The following TAB2 variants were observed in gnomAD, a reference collection of about 807,000 sequenced individuals.
The protein encoded by TAB2 is TGF-beta activated kinase 1 (MAP3K7) binding protein 2.
Under a neutral mutation model 65.0 loss-of-function variants are expected in TAB2, and 3 were observed. The ratio of observed to expected loss-of-function variants is 0.05; its 90% CI spans 0.02 to 0.12. The LOEUF is 0.12. Ranked by LOEUF, TAB2 falls within the 10% of genes least tolerant of loss-of-function variation. The pLI is 1.00. For missense variants in TAB2, 623 were observed against 840.3 expected (o/e 0.74, Z 3.20); for synonymous variants, 298 against 285.1 (o/e 1.05, Z -0.46).
At chr6:149,248,568 C>T (rs2114651438) in intron 1 of TAB2, among the ~76,000 whole-genome samples, 1 of 151,600 alleles carries the variant, frequency 6.6e-6, no homozygotes, top group South Asian at 2.1e-4. Context: ...TCTGAGTCTC[C>T]CCACTGGCCA....
chr6:149,241,736 A>G (rs912338180), intron 1 of TAB2, among the ~76,000 whole-genome samples: 1 of 152,232 alleles, frequency 6.6e-6, no homozygotes, highest in African/African-American at 2.4e-5. Context: ...TGAAATTGTG[A>G]TTTTTATTAT....
chr6:149,302,505 T>A (rs1252234911), intron 1 of TAB2, among the ~76,000 whole-genome samples: 1 of 152,206 alleles, frequency 6.6e-6, no homozygotes, highest in African/African-American at 2.4e-5. Flanking sequence ...CTGCTGCTGT[T>A]CTCCGAAAAT....
intron 3 of TAB2, 93 bp downstream of exon 3, chr6:149,379,611 T>G: frequency 8.2e-7 from 1 of 1,224,650 alleles, no homozygotes. Flanking sequence ...AGCATTGTTA[T>G]TTCATTGTTT....
At chr6:149,247,605 G>A (rs1463128092) in intron 1 of TAB2, 3 of 152,210 alleles carry the variant, frequency 2.0e-5, no homozygotes, top group Non-Finnish European at 4.4e-5. Context: ...TATCTTGATT[G>A]TATCCTTTTT....
At chr6:149,406,498 T>C (rs758718845) in intron 6 of TAB2, among the ~76,000 whole-genome samples, 1 of 152,174 alleles carries the variant, frequency 6.6e-6, no homozygotes, top group Non-Finnish European at 1.5e-5. Flanking sequence ...CATGTTAAAC[T>C]GGGTTTTAGA....
At chr6:149,368,552 G>A (rs1016271078) in intron 1 of TAB2, among the ~76,000 whole-genome samples, 4 of 151,692 alleles carry the variant, frequency 2.6e-5, no homozygotes, top group East Asian at 1.9e-4. Flanking sequence ...CATGATTGTC[G>A]CCACTTAAAT....
At chr6:149,227,536 G>A (rs1583032628) in intron 1 of TAB2, among the ~76,000 whole-genome samples, 1 of 152,256 alleles carries the variant, frequency 6.6e-6, no homozygotes. Context: ...GGAGGGAGCA[G>A]AGGCACTTCA....
intron 1 of TAB2, among the ~76,000 whole-genome samples, chr6:149,339,699 A>G (rs1392083289): frequency 6.6e-6 from 1 of 151,336 alleles, no homozygotes; most frequent in Non-Finnish European, 1.5e-5. Context: ...CCCAGGTTCA[A>G]GCGATTCTCC....
At chr6:149,353,536 G>GA (rs1780558752) in intron 1 of TAB2, among the ~76,000 whole-genome samples, 1 of 152,086 alleles carries the variant, frequency 6.6e-6, no homozygotes, top group Admixed American at 6.6e-5. Flanking sequence ...TAGGCATTAG[G>GA]AAAAAATCAA....
At chr6:149,323,336 T>C (rs913331100) in intron 1 of TAB2, among the ~76,000 whole-genome samples, 4 of 152,164 alleles carry the variant, frequency 2.6e-5, no homozygotes, top group African/African-American at 9.6e-5. Context: ...TATGATGTTA[T>C]TGGCATCAAA....
At chr6:149,407,167 G>C (rs996322171) in intron 6 of TAB2, among the ~76,000 whole-genome samples, 2 of 152,236 alleles carry the variant, frequency 1.3e-5, no homozygotes, top group Admixed American at 1.3e-4. Flanking sequence ...TCAGAGACTA[G>C]ATGCTATTTG....
chr6:149,363,439 A>G (rs1255582474), intron 1 of TAB2, among the ~76,000 whole-genome samples: 1 of 152,198 alleles, frequency 6.6e-6, no homozygotes, highest in Non-Finnish European at 1.5e-5. Context: ...AGTTTCCCTA[A>G]TGAGCTTCAT....
intron 1 of TAB2, among the ~76,000 whole-genome samples, chr6:149,235,352 G>A (rs1273721398): frequency 6.6e-6 from 1 of 152,216 alleles, no homozygotes; most frequent in African/African-American, 2.4e-5. Context: ...AAAGGAAATG[G>A]GGATATTCTG....
At chr6:149,298,218 T>G (rs368398126) in intron 1 of TAB2, among the ~76,000 whole-genome samples, 12 of 152,356 alleles carry the variant, frequency 7.9e-5, no homozygotes, top group Admixed American at 3.9e-4. Context: ...TATGAAAATA[T>G]GCATGCTATT....
At chr6:149,400,240 C>T (rs980350444) in intron 6 of TAB2, 52 of 799,924 alleles carry the variant, frequency 6.5e-5, no homozygotes, top group Non-Finnish European at 9.3e-5. Flanking sequence ...GCGCACACAG[C>T]GGGAGGGGAG....
intron 2 of TAB2, among the ~76,000 whole-genome samples, chr6:149,371,065 C>CAAAAAAAAAAAAAAAAA: frequency 1.4e-5 from 1 of 71,968 alleles, no homozygotes; most frequent in Non-Finnish European, 2.4e-5. Flanking sequence ...GACCCTATCT[C>CAAAAAAAAAAAAAAAAA]AAAAAAAAAA....
At chr6:149,265,665 T>C (rs1306467605) in intron 1 of TAB2, among the ~76,000 whole-genome samples, 2 of 152,234 alleles carry the variant, frequency 1.3e-5, no homozygotes, top group Admixed American at 1.3e-4. Context: ...CAGGGGCTTA[T>C]GCCTAGAGGC....
intron 1 of TAB2, among the ~76,000 whole-genome samples, chr6:149,223,736 A>C (rs1038660401): frequency 6.6e-6 from 1 of 152,142 alleles, no homozygotes; most frequent in African/African-American, 2.4e-5. Flanking sequence ...TGATTTAGTG[A>C]TGCTTTCAAT....
intron 1 of TAB2, among the ~76,000 whole-genome samples, chr6:149,224,568 C>T (rs895173149): frequency 6.6e-5 from 10 of 152,108 alleles, no homozygotes; most frequent in Admixed American, 5.2e-4. Context: ...CCACTTACGG[C>T]GGTTCTCACT....
Sources: allele counts gnomAD v4.1 joint callset (sites outside exome capture counted in the v4.1 genomes callset), GRCh38; gene constraint gnomAD v4.1.1; transcripts MANE v1.5; gene names NCBI Gene and HGNC (gene_info 2026-07-23, HGNC 2026-07-21).